ADAMTS6: variants seen among roughly 807,000 people sequenced by gnomAD.
ADAMTS6 encodes ADAM metallopeptidase with thrombospondin type 1 motif 6.
Under a neutral mutation model 144.3 loss-of-function variants are expected in ADAMTS6, and 23 were observed. The observed-to-expected ratio is 0.16, with a 90% confidence interval of 0.11 to 0.23. ADAMTS6 has a LOEUF of 0.23. Among genes scored for constraint, ADAMTS6 ranks in the 10% least tolerant of loss-of-function variants. The pLI is 1.00. For missense variants in ADAMTS6, 999 were observed against 1,379.6 expected, an observed-to-expected ratio of 0.72 and a Z score of 4.37; for synonymous variants, 444 against 457.5, an observed-to-expected ratio of 0.97 and a Z score of 0.38.
chr5:65,473,745 A>C lies in ADAMTS6; in HGVS notation c.-72T>G. On this transcript the variant is annotated 5_prime_UTR_variant, in exon 2 of 25. Transcript: ENST00000381055. ...AGAGTCAATACCATACCAAAATCGA[A>C]GCATAACAATTTTATTTCTTTAAAA... is the stretch of plus-strand genomic sequence containing the variant. 8.8e-7 allele frequency: 1 copy of C among 1,139,526 alleles called. No individual in the cohort carries two copies. Among genetic ancestry groups the C allele is most frequent in the Non-Finnish European group, 1.3e-6 (1 of 767,250 alleles). The allele number at this position is 1,139,526 out of a possible 1,614,324, so 70.6% of individuals were successfully genotyped here. A position where few individuals can be genotyped will look rare whatever the true frequency, so the allele number is the denominator to read the frequency against.
intron 10 of ADAMTS6, among the ~76,000 whole-genome samples, chr5:65,298,290 T>C (rs978746765): frequency 2.6e-5 from 4 of 151,348 alleles, no homozygotes; most frequent in African/African-American, 9.7e-5. Context: ...GAAAAGAAAA[T>C]GGTACAAAAA....
intron 7 of ADAMTS6, among the ~76,000 whole-genome samples, chr5:65,400,556 G>A (rs777402468): frequency 2.0e-5 from 3 of 152,080 alleles, no homozygotes; most frequent in South Asian, 2.1e-4. Context: ...ATTTAAAAGC[G>A]ACATGCCTAG....
chr5:65,346,123 C>T (rs138944019), intron 7 of ADAMTS6, among the ~76,000 whole-genome samples: 13 of 152,004 alleles, frequency 8.6e-5, no homozygotes, highest in African/African-American at 3.1e-4. Context: ...AGAGGGACTA[C>T]TTCCAAATTC....
At chr5:65,320,631 GTT>G (rs1745526162) in intron 9 of ADAMTS6, among the ~76,000 whole-genome samples, 1 of 151,510 alleles carries the variant, frequency 6.6e-6, no homozygotes, top group East Asian at 1.9e-4. Context: ...ATGGGGGTCT[GTT>G]TTATAGGTTA....
Position 65,224,338 on chromosome 5 carries a change from TGGC to T in ADAMTS6, c.2251_2253del (p.Ala751del). ...AACATACCAATATAGTTCTTTGACA[TGGC>T]AACTTCTCTAACTTCAATGTGAACA... is the stretch of plus-strand genomic sequence containing the variant. On this transcript the variant is annotated inframe_deletion, in exon 18 of 25. Transcript: ENST00000381055. 1 of 1,614,086 alleles carries T rather than the reference TGGC, an allele frequency of 6.2e-7. No homozygotes were observed. Among genetic ancestry groups the T allele is most frequent in the South Asian group, 1.1e-5 (1 of 91,088 alleles).
intron 10 of ADAMTS6, among the ~76,000 whole-genome samples, chr5:65,298,967 A>C (rs1743115558): frequency 6.6e-6 from 1 of 152,080 alleles, no homozygotes; most frequent in African/African-American, 2.4e-5. Flanking sequence ...TTACAATATA[A>C]TCATTTTAAT....
intron 22 of ADAMTS6, among the ~76,000 whole-genome samples, chr5:65,185,593 G>C (rs184261008): frequency 2.6e-5 from 4 of 152,202 alleles, no homozygotes; most frequent in Admixed American, 2.6e-4. Context: ...ACTCAGCCAT[G>C]TTAAAGAGTA....
intron 12 of ADAMTS6, among the ~76,000 whole-genome samples, chr5:65,269,094 A>G (rs1761859740): frequency 6.6e-6 from 1 of 151,942 alleles, no homozygotes; most frequent in African/African-American, 2.4e-5. Flanking sequence ...TCATGCTTAT[A>G]CTCTCTACTG....
intron 22 of ADAMTS6, among the ~76,000 whole-genome samples, chr5:65,187,561 T>C (rs1389615427): frequency 6.6e-6 from 1 of 152,146 alleles, no homozygotes; most frequent in African/African-American, 2.4e-5. Flanking sequence ...GGCTGCTACA[T>C]TACTTGAAAA....
chr5:65,321,754 C>G (rs1449503063), intron 9 of ADAMTS6, among the ~76,000 whole-genome samples: 1 of 120,088 alleles, frequency 8.3e-6, no homozygotes, highest in Admixed American at 1.3e-4. Flanking sequence ...CTCGCTCTGT[C>G]ACCCAGGCTG....
chr5:65,190,531 A>T (rs1037194403), intron 21 of ADAMTS6, among the ~76,000 whole-genome samples: 17 of 152,190 alleles, frequency 1.1e-4, no homozygotes, highest in African/African-American at 4.1e-4. Context: ...ACCTCCAGCC[A>T]TGATCTCATT....
At chr5:65,472,930 G>A (rs1760575116) in intron 2 of ADAMTS6, among the ~76,000 whole-genome samples, 1 of 152,082 alleles carries the variant, frequency 6.6e-6, no homozygotes, top group Non-Finnish European at 1.5e-5. Flanking sequence ...ATTCATGGGA[G>A]GGAAATCCAA....
intron 7 of ADAMTS6, among the ~76,000 whole-genome samples, chr5:65,356,854 G>GT (rs778875745): frequency 4.6e-5 from 7 of 151,754 alleles, no homozygotes; most frequent in Non-Finnish European, 7.4e-5. Flanking sequence ...AGCATTGAAG[G>GT]TGTTTAGCTT....
intron 7 of ADAMTS6, among the ~76,000 whole-genome samples, chr5:65,350,903 C>T (rs1290606963): frequency 6.6e-6 from 1 of 152,188 alleles, no homozygotes; most frequent in African/African-American, 2.4e-5. Flanking sequence ...CCACCTTGGC[C>T]TCCCAAAGTG....
chr5:65,407,876 A>T (rs1754691324), intron 7 of ADAMTS6, among the ~76,000 whole-genome samples: 1 of 152,216 alleles, frequency 6.6e-6, no homozygotes, highest in Non-Finnish European at 1.5e-5. Flanking sequence ...TTCAAACCAG[A>T]ATTTCATATC....
intron 11 of ADAMTS6, among the ~76,000 whole-genome samples, chr5:65,288,242 G>A (rs922387890): frequency 1.3e-5 from 2 of 151,754 alleles, no homozygotes; most frequent in Admixed American, 6.6e-5. Context: ...TGGAAGAGAT[G>A]GAAAGCTGAT....
In ADAMTS6 at chr5:65,452,838, T is replaced by G. The variant is rs779137860; in HGVS notation, c.712A>C (p.Ile238Leu). The change falls in exon 5 of 25, where the codon ATC (isoleucine) becomes CTC (leucine). Residue 238 changes from isoleucine (I) to leucine (L), a missense_variant. Around this residue, in one of 3 missense-constraint regions of ADAMTS6, gnomAD observed 252 missense variants for 293.7 expected, o/e 0.86. Transcript: ENST00000381055. ...ACTGATCTCTTCTGTCTGTGGTGGA[T>G]ATGTGTGTTGTTAATTGGTAGTGAA... ...SYSLPINNTHIHHRQKRSVSI... is the reference protein window; with the variant it reads ...SYSLPINNTHLHHRQKRSVSI... 8.7e-6 allele frequency: 14 copies of G among 1,614,134 alleles called. No individual in the cohort carries two copies. The South Asian group carries it at 1.5e-4, about 18-fold the overall frequency.
rs1561574409 is a variant in ADAMTS6, at chr5:65,470,989, T to C, written c.251A>G (p.Lys84Arg). 2 of 1,613,084 alleles carry C rather than the reference T, an allele frequency of 1.2e-6. No homozygotes were observed. The highest frequency in any genetic ancestry group is 1.7e-6 in the Non-Finnish European group (2 of 1,179,632). The change falls in exon 3 of 25, where the codon AAG becomes AGG. Residue 84 changes from lysine to arginine, a missense_variant. Around this residue, in one of 3 missense-constraint regions of ADAMTS6, gnomAD observed 252 missense variants for 293.7 expected, o/e 0.86. Transcript: ENST00000381055. ...ATAGGCTGAAAGTTTAAAAAATAAC[T>C]TAGATACTGCCTGCTGTGGATCAAT... ...DPIDPQQAVS[K>R]LFFKLSAYGK...
chr5:65,453,646 T>C (rs1758936824), intron 4 of ADAMTS6, among the ~76,000 whole-genome samples: 1 of 152,214 alleles, frequency 6.6e-6, no homozygotes, highest in South Asian at 2.1e-4. Flanking sequence ...TTCTTCAGTA[T>C]AGAAGCAGCC....
Sources: gnomAD v4.1 joint callset for allele counts (sites outside exome capture counted in the v4.1 genomes callset) on GRCh38, gnomAD v4.1.1 for gene constraint, gnomAD v4.1.1 regional missense constraint, MANE v1.5 for transcripts, NCBI Gene and HGNC (gene_info 2026-07-23, HGNC 2026-07-21) for gene names.